MCAM: variants seen among roughly 807,000 people sequenced by gnomAD.
MCAM encodes cell surface glycoprotein MUC18.
Under a neutral mutation model 79.1 loss-of-function variants are expected in MCAM, and 55 were observed. The observed-to-expected ratio is 0.70, with a 90% CI of 0.56 to 0.87. The LOEUF (loss-of-function observed/expected upper bound fraction) is 0.87, where lower values mean the gene tolerates loss of function less well. Ranked by LOEUF, MCAM falls within the 40% of genes least tolerant of loss-of-function variation. MCAM has a pLI of 0.00. For missense variants in MCAM, 745 were observed against 839.8 expected (o/e 0.89, Z 1.40); for synonymous variants, 330 against 339.8 (o/e 0.97, Z 0.32).
chr11:119,316,132 A>G lies in MCAM; in HGVS notation c.68-869T>C, dbSNP rs1950308474. On this transcript the variant is annotated intron_variant, in intron 1 of 15. Coordinates refer to ENST00000264036, the MANE Select transcript of MCAM (RefSeq NM_006500.3). This position sits in a 1 kb window ranked among gnomAD's most constrained non-coding sequence, Gnocchi z 4.8. ...GCCCGATTTAGCCCTTTCCCCAGAA[A>G]TAAAGTCAGCCTGGGAGGCAGTAGC... is the stretch of plus-strand genomic sequence containing the variant. 6.5e-6 allele frequency: 1 copy of G among 152,822 alleles called. No homozygotes were observed. Among genetic ancestry groups the G allele is most frequent in the Admixed American group, 6.5e-5 (1 of 15,292 alleles). 9.5% of individuals were successfully genotyped at this position (152,822 alleles called of 1,614,324 possible). A position where few individuals can be genotyped will look rare whatever the true frequency, so the allele number is the denominator to read the frequency against.
Position 119,314,820 on chromosome 11 carries a change from C to G in MCAM, c.400+13G>C, listed in dbSNP as rs759711553. 4.3e-6 allele frequency: 7 copies of G among 1,613,574 alleles called. No individual in the cohort carries two copies. The highest frequency in any genetic ancestry group is 5.9e-6 in the Non-Finnish European group (7 of 1,179,868). On this transcript the variant is annotated intron_variant, in intron 3 of 15. Coordinates refer to ENST00000264036, the MANE Select transcript of MCAM (RefSeq NM_006500.3). ...ACCCTCACTACCCTGCTGGCAGACACAGGGTCACGCACTGTAGACGCGGAG... is the reference window on the plus strand; with the variant it reads ...ACCCTCACTACCCTGCTGGCAGACAGAGGGTCACGCACTGTAGACGCGGAG...
intron 5 of MCAM, chr11:119,313,234 T>A (rs1950261017): frequency 7.1e-7 from 1 of 1,412,022 alleles, no homozygotes; most frequent in Admixed American, 2.1e-5. Flanking sequence ...TGGGGAATGG[T>A]GAACTCGACT....
At position 119,312,933 on chromosome 11, in the gene MCAM, C is replaced by T. The variant is rs191220491; in HGVS notation, c.576G>A (p.Ser192=). 7.8e-5 allele frequency: 126 copies of T among 1,613,950 alleles called. No individual in the cohort carries two copies. Among genetic ancestry groups the T allele is most frequent in the Non-Finnish European group, 8.7e-5 (103 of 1,180,018 alleles). The change falls in exon 6 of 16, where the codon TCG becomes TCA. Residue 192 remains serine (S), a synonymous_variant. Coordinates refer to ENST00000264036, the MANE Select transcript of MCAM (RefSeq NM_006500.3). This position sits in a 1 kb window ranked among gnomAD's most constrained non-coding sequence, Gnocchi z 4.9. ...KEEKNRVHIQ[S]SQTVESSGLY... ...AACCACTCGACTCCACAGTCTGGGA[C>T]GACTGAATGTGGACCCCTGGGCAGG...
At position 119,312,405 on chromosome 11, in the gene MCAM, C is replaced by G; in HGVS notation, c.885G>C (p.Glu295Asp). Residue 295 changes from glutamate (E) to aspartate (D), a missense_variant, in exon 8 of 16, where the codon GAG becomes GAC. By Grantham distance (45) the Glu-to-Asp change is conservative. Coordinates refer to ENST00000264036, the MANE Select transcript of MCAM (RefSeq NM_006500.3). This position sits in a 1 kb window ranked among gnomAD's most constrained non-coding sequence, Gnocchi z 4.9. ...CCCCGTTGTCGTTGGTTGTCTCTTCCTCTGCCTCCCTGGTGCTGGGGTTCT... is the reference window on the plus strand; with the variant it reads ...CCCCGTTGTCGTTGGTTGTCTCTTCGTCTGCCTCCCTGGTGCTGGGGTTCT... ...SKQNPSTREA[E>D]EETTNDNGVL... The G allele has an allele frequency of 1.2e-6, 2 of 1,614,070 alleles. No homozygotes were observed. Among genetic ancestry groups the G allele is most frequent in the Non-Finnish European group, 1.7e-6 (2 of 1,179,986 alleles).
At position 119,316,434 on chromosome 11, in the gene MCAM, C is replaced by A. The variant is rs1030563930; in HGVS notation, c.67+601G>T. ...AGCGGGCGCTTCCAGTATGGGAATCCTCCATCCCTCATCTCTGTCCCCTAT... is the reference window on the plus strand; with the variant it reads ...AGCGGGCGCTTCCAGTATGGGAATCATCCATCCCTCATCTCTGTCCCCTAT... On this transcript the variant is annotated intron_variant, in intron 1 of 15. Transcript: ENST00000264036. The surrounding 1 kb of genome is among the most constrained non-coding windows in gnomAD (Gnocchi z 4.8). The A allele has an allele frequency of 6.6e-6, 1 of 152,330 alleles. No individual in the cohort carries two copies. Among genetic ancestry groups the A allele is most frequent in the Non-Finnish European group, 1.5e-5 (1 of 68,138 alleles). 9.4% of individuals were successfully genotyped at this position (152,330 alleles called of 1,614,324 possible).
At position 119,316,880 on chromosome 11, in the gene MCAM, C is replaced by G; in HGVS notation, c.67+155G>C. 1 of 598,984 alleles carries G rather than the reference C, an allele frequency of 1.7e-6. No homozygotes were observed. Among genetic ancestry groups the G allele is most frequent in the South Asian group, 2.1e-5 (1 of 47,610 alleles). 37.1% of individuals were successfully genotyped at this position (598,984 alleles called of 1,614,324 possible). A position where few individuals can be genotyped will look rare whatever the true frequency, so the allele number is the denominator to read the frequency against. On this transcript the variant is annotated intron_variant, in intron 1 of 15. Coordinates refer to ENST00000264036, the MANE Select transcript of MCAM (RefSeq NM_006500.3). This position sits in a 1 kb window ranked among gnomAD's most constrained non-coding sequence, Gnocchi z 4.8. The stretch of plus-strand genomic sequence containing the variant: ...GCAAACTGGCTGCAAAGAAGAGTTG[C>G]TCGCGCGCAAGGCGCCCGGGGATCG...
chr11:119,313,564 GCTA>G, intron 5 of MCAM: 1 of 312,992 alleles, frequency 3.2e-6, no homozygotes, highest in South Asian at 2.8e-5. Flanking sequence ...ACCACGCCCG[GCTA>G]CTTTTGTATT....
chr11:119,313,346 T>C lies in MCAM; in HGVS notation c.560-397A>G, dbSNP rs1434528705. On this transcript the variant is annotated intron_variant, in intron 5 of 15. Coordinates refer to ENST00000264036, the MANE Select transcript of MCAM (RefSeq NM_006500.3). ...TTGTATAAAAGAAATTGTCTAACAA[T>C]GTATACCATACACCACCACTTAGAC... is the stretch of plus-strand genomic sequence containing the variant. 3 of 1,291,566 alleles carry C rather than the reference T, an allele frequency of 2.3e-6. No homozygotes were observed. The South Asian group carries it at 3.7e-5, about 16-fold the overall frequency. 80.0% of individuals were successfully genotyped at this position (1,291,566 alleles called of 1,614,324 possible).
In MCAM at chr11:119,312,518, C is replaced by T; in HGVS notation, c.861+9G>A. The T allele has an allele frequency of 6.2e-7, 1 of 1,614,082 alleles. No individual in the cohort carries two copies. The highest frequency in any genetic ancestry group is 8.5e-7 in the Non-Finnish European group (1 of 1,180,024). ...ATCCCCACCTGCACCCAGCACAAAGCCCCCACACCTGCTTGCTGATGCTGA... is the reference window on the plus strand; with the variant it reads ...ATCCCCACCTGCACCCAGCACAAAGTCCCCACACCTGCTTGCTGATGCTGA... On this transcript the variant is annotated intron_variant, in intron 7 of 15. Coordinates refer to ENST00000264036, the MANE Select transcript of MCAM (RefSeq NM_006500.3). The surrounding 1 kb of genome is among the most constrained non-coding windows in gnomAD (Gnocchi z 4.9).
chr11:119,314,325 T>C (rs1950277471), intron 5 of MCAM, 164 bp downstream of exon 5: 1 of 646,488 alleles, frequency 1.5e-6, no homozygotes, highest in Non-Finnish European at 2.7e-6. Flanking sequence ...CTGGCTAATT[T>C]TTTTATTTTC....
chr11:119,312,689 C>T lies in MCAM; in HGVS notation c.740-41G>A. ...GGGTAGCTCTTGGCCCATGAGTCAA[C>T]CCTGGGCTGGATAAGGGGGAGCCAG... is the stretch of plus-strand genomic sequence containing the variant. On this transcript the variant is annotated intron_variant, in intron 6 of 15. Transcript: ENST00000264036. The surrounding 1 kb of genome is among the most constrained non-coding windows in gnomAD (Gnocchi z 4.9). 3.7e-6 allele frequency: 6 copies of T among 1,614,044 alleles called. No individual in the cohort carries two copies. Among genetic ancestry groups the T allele is most frequent in the South Asian group, 1.1e-5 (1 of 91,084 alleles).
chr11:119,312,617 C>T lies in MCAM; in HGVS notation c.771G>A (p.Glu257=), dbSNP rs762061723. ...CCCCTTCCTTCAGCATTCCCACGGG[C>T]TCCACTTCCAGCCACACTTTTTCTG... ...YPTEKVWLEV[E]PVGMLKEGDR... is the part of the protein sequence containing the mutation. The change falls in exon 7 of 16, where the codon GAG becomes GAA. Residue 257 remains glutamate, a synonymous_variant. Transcript: ENST00000264036. The surrounding 1 kb of genome is among the most constrained non-coding windows in gnomAD (Gnocchi z 4.9). The T allele has an allele frequency of 2.5e-6, 4 of 1,614,060 alleles. No homozygotes were observed. In the East Asian group the frequency reaches 8.9e-5, roughly 36 times the overall value.
Position 119,314,875 on chromosome 11 carries a change from G to C in MCAM, c.358C>G (p.Arg120Gly), listed in dbSNP as rs1225574490. 5.0e-6 allele frequency: 8 copies of C among 1,613,394 alleles called. No homozygotes were observed. Among genetic ancestry groups the C allele is most frequent in the South Asian group, 1.1e-5 (1 of 91,088 alleles). The change falls in exon 3 of 16, where the codon CGC becomes GGC. Residue 120 changes from arginine to glycine, a missense_variant. Arg to Gly is a moderately radical substitution (Grantham distance 125). Coordinates refer to ENST00000264036, the MANE Select transcript of MCAM (RefSeq NM_006500.3). The stretch of plus-strand genomic sequence containing the variant: ...ATGCGGTACTCCTGGGACCGAGGGC[G>C]CTTGCCCTGGCACAAGAAGATGCGC... ...DERIFLCQGK[R>G]PRSQEYRIQL...
rs1367330276 is a variant in MCAM at position 119,311,959 on chromosome 11, G to A, written c.1144-10C>T. ...CCAGCACCTGGCCTGTCTGGGATGAGAGATGGGTCAGAGGGTCTGGGAAAG... is the reference window on the plus strand; with the variant it reads ...CCAGCACCTGGCCTGTCTGGGATGAAAGATGGGTCAGAGGGTCTGGGAAAG... On this transcript the variant is annotated splice_polypyrimidine_tract_variant and intron_variant, in intron 9 of 15. Coordinates refer to ENST00000264036, the MANE Select transcript of MCAM (RefSeq NM_006500.3). This position sits in a 1 kb window ranked among gnomAD's most constrained non-coding sequence, Gnocchi z 4.4. 1 of 1,613,398 alleles carries A rather than the reference G, an allele frequency of 6.2e-7. No homozygotes were observed. Among genetic ancestry groups the A allele is most frequent in the Admixed American group, 1.7e-5 (1 of 60,016 alleles).
At chr11:119,314,285 A>G (rs757636715) in intron 5 of MCAM, 7 of 555,848 alleles carry the variant, frequency 1.3e-5, no homozygotes, top group African/African-American at 7.6e-5. Context: ...CCTCCCAAGT[A>G]TCTGGGACCA....
Position 119,314,813 on chromosome 11 carries a change from G to T in MCAM, c.400+20C>A. The T allele has an allele frequency of 1.9e-6, 3 of 1,613,206 alleles. No homozygotes were observed. Among genetic ancestry groups the T allele is most frequent in the Non-Finnish European group, 1.7e-6 (2 of 1,179,600 alleles). On this transcript the variant is annotated intron_variant, in intron 3 of 15. Transcript: ENST00000264036. The stretch of plus-strand genomic sequence containing the variant: ...TCCCACCACCCTCACTACCCTGCTG[G>T]CAGACACAGGGTCACGCACTGTAGA...
Position 119,311,662 on chromosome 11 carries a change from T to C in MCAM, c.1286-11A>G. ...CCATCCAAGGGGGGCCTTGGGGAGG[T>C]AGGGAGAGGTGAGGTGGCAAGCCCA... On this transcript the variant is annotated splice_polypyrimidine_tract_variant and intron_variant, in intron 10 of 15. Transcript: ENST00000264036. The surrounding 1 kb of genome is among the most constrained non-coding windows in gnomAD (Gnocchi z 4.4). 6.2e-7 allele frequency: 1 copy of C among 1,613,620 alleles called. No homozygotes were observed. The highest frequency in any genetic ancestry group is 8.5e-7 in the Non-Finnish European group (1 of 1,179,848).
chr11:119,310,802 A>G lies in MCAM; in HGVS notation c.1747T>C (p.Tyr583His). Residue 583 changes from tyrosine to histidine, a missense_variant, in exon 14 of 16, where the codon TAT (tyrosine) becomes CAT (histidine). Tyr to His is a moderately conservative substitution (Grantham distance 83). Coordinates refer to ENST00000264036, the MANE Select transcript of MCAM (RefSeq NM_006500.3). ...CTGCACGGCAGCTTGCCCTTCTTAT[A>G]GAGGAAATAGAGGACAGCGCCCAGC... ...AVLGAVLYFLYKKGKLPCRRS... is the reference protein window; with the variant it reads ...AVLGAVLYFLHKKGKLPCRRS... 1 of 1,614,098 alleles carries G rather than the reference A, an allele frequency of 6.2e-7. No individual in the cohort carries two copies.
At chr11:119,310,214 A>G (rs748529999) in intron 15 of MCAM, 135 bp downstream of exon 15, 73 of 705,054 alleles carry the variant, frequency 1.0e-4, no homozygotes, top group Non-Finnish European at 1.7e-4. Flanking sequence ...ATCTGTGAGT[A>G]GTGTTAAGAA....
Sources: allele counts gnomAD v4.1 joint callset, GRCh38; gene constraint gnomAD v4.1.1; non-coding constraint Gnocchi (gnomAD v3.1); transcripts MANE v1.5; gene names NCBI Gene and HGNC (gene_info 2026-07-23, HGNC 2026-07-21).